TTC23: variants seen among roughly 807,000 people sequenced by gnomAD.
TTC23 encodes the protein tetratricopeptide repeat domain 23, also known as tetratricopeptide repeat protein 23.
Under a neutral mutation model 55.1 loss-of-function variants are expected in TTC23, and 58 were observed. The observed-to-expected ratio is 1.05, with a 90% CI of 0.85 to 1.31. The LOEUF (loss-of-function observed/expected upper bound fraction) is 1.31, where lower values mean the gene tolerates loss of function less well. Among genes scored for constraint, TTC23 ranks in the 50% most tolerant of loss-of-function variants. TTC23 has a pLI of 0.00. For missense variants in TTC23, 516 were observed against 534.4 expected, an observed-to-expected ratio of 0.97 and a Z score of 0.34; for synonymous variants, 203 against 199.9, an observed-to-expected ratio of 1.02 and a Z score of -0.13.
At chr15:99,245,219 T>C (rs1316764567) in intron 2 of TTC23, among the ~76,000 whole-genome samples, 170 bp downstream of exon 2, 1 of 152,054 alleles carries the variant, frequency 6.6e-6, no homozygotes, top group Non-Finnish European at 1.5e-5. Flanking sequence ...GCATAAGAAA[T>C]GACATATAGA....
chr15:99,229,136 C>T (rs980697516), intron 4 of TTC23, among the ~76,000 whole-genome samples: 8 of 142,532 alleles, frequency 5.6e-5, no homozygotes, highest in Non-Finnish European at 1.1e-4. Flanking sequence ...TATGTATTTG[C>T]ATGTACATAT....
Position 99,218,501 on chromosome 15 carries a change from T to C in TTC23, c.581+87A>G, listed in dbSNP as rs2077648743. ...CAGAGAAGCCATGGCCGCAGCCTCA[T>C]GGAGATGCTCCTCCTACCTGAGACA... On this transcript the variant is annotated intron_variant, in intron 8 of 13. Transcript: ENST00000394132. 9 of 1,564,266 alleles carry C rather than the reference T, an allele frequency of 5.8e-6. No homozygotes were observed. The South Asian group carries it at 6.9e-5, about 12-fold the overall frequency.
At chr15:99,213,394 T>C (rs2077198263) in intron 8 of TTC23, among the ~76,000 whole-genome samples, 1 of 152,218 alleles carries the variant, frequency 6.6e-6, no homozygotes, top group South Asian at 2.1e-4. Flanking sequence ...CGCCATCTGC[T>C]GGCAAGGCTT....
At position 99,214,245 on chromosome 15, in the gene TTC23, C is replaced by T. The variant is rs573237636; in HGVS notation, c.581+4343G>A. 2.2e-3 allele frequency among the ~76,000 whole-genome samples: 340 copies of T among 152,100 alleles called. 2 individuals are homozygous for T. The highest frequency in any genetic ancestry group is 7.8e-3 in the African/African-American group (323 of 41,502). Reference sequence around the variant, plus strand: ...CCTCCCGGCCGGGTGCGGTGGCTCACGCCTGTAATCCCAGCACTTTGGGAG... The same window carrying T: ...CCTCCCGGCCGGGTGCGGTGGCTCATGCCTGTAATCCCAGCACTTTGGGAG... On this transcript the variant is annotated intron_variant, in intron 8 of 13. Coordinates refer to ENST00000394132, the MANE Select transcript of TTC23 (RefSeq NM_001288615.3).
At chr15:99,147,322 T>C (rs1353263476) in intron 12 of TTC23, among the ~76,000 whole-genome samples, 2 of 149,914 alleles carry the variant, frequency 1.3e-5, no homozygotes, top group South Asian at 2.1e-4. Flanking sequence ...GCCTCCCAGG[T>C]TCACGCCATT....
rs147417590 is a variant in TTC23, at chr15:99,182,223, A to ATCTC, written c.760-7072_760-7069dup. ...ATCAGTTTCCTGTATTGTTCCAGAAATCTCTCTCTCTCTCTCTCTCTCTCT... is the reference window on the plus strand; with the variant it reads ...ATCAGTTTCCTGTATTGTTCCAGAAATCTCTCTCTCTCTCTCTCTCTCTCTCTCT... On this transcript the variant is annotated intron_variant, in intron 9 of 13. Transcript: ENST00000394132. Among the ~76,000 whole-genome samples the ATCTC allele has an allele frequency of 4.2e-3, 554 of 132,316 alleles. 4 individuals carry two copies. The highest frequency in any genetic ancestry group is 0.011 in the Middle Eastern group (3 of 266). The allele number at this position is 132,316 out of a possible 152,430, so 86.8% of individuals were successfully genotyped here. A position where few individuals can be genotyped will look rare whatever the true frequency, so the allele number is the denominator to read the frequency against.
chr15:99,148,323 T>C (rs1023951429), intron 12 of TTC23, among the ~76,000 whole-genome samples: 3 of 112,678 alleles, frequency 2.7e-5, no homozygotes, highest in Admixed American at 1.3e-4. Context: ...ATCGCGACAC[T>C]GCACTCCAGC....
chr15:99,237,702 G>C lies in TTC23; in HGVS notation c.-113-2622C>G, dbSNP rs760063652. On this transcript the variant is annotated intron_variant, in intron 3 of 13. Transcript: ENST00000394132. ...AAGATGTAGGAAAGGGTGGAGAGGA[G>C]GGATTACAAGGGGCATGAGGAAACT... Among the ~76,000 whole-genome samples the C allele has an allele frequency of 4.6e-4, 70 of 152,174 alleles. 1 individual carries two copies. The highest frequency in any genetic ancestry group is 9.4e-4 in the Non-Finnish European group (64 of 68,042).
At chr15:99,219,410 T>C (rs532359337) in intron 6 of TTC23, among the ~76,000 whole-genome samples, 2 of 152,332 alleles carry the variant, frequency 1.3e-5, no homozygotes, top group African/African-American at 4.8e-5. Context: ...TATTCATGAA[T>C]TTTAATCCTG....
chr15:99,173,479 C>T (rs189588206), intron 10 of TTC23, among the ~76,000 whole-genome samples: 21 of 152,192 alleles, frequency 1.4e-4, no homozygotes, highest in Non-Finnish European at 2.2e-4. Flanking sequence ...CCACCTACTT[C>T]GCAGGCTGAG....
intron 9 of TTC23, among the ~76,000 whole-genome samples, chr15:99,175,852 G>A (rs774046519): frequency 4.6e-5 from 7 of 152,144 alleles, no homozygotes; most frequent in East Asian, 1.9e-4. Flanking sequence ...AAAATTAGCC[G>A]GGTATGGTGG....
chr15:99,196,512 T>C (rs1474961765), intron 9 of TTC23, among the ~76,000 whole-genome samples: 2 of 152,208 alleles, frequency 1.3e-5, no homozygotes, highest in Non-Finnish European at 2.9e-5. Context: ...AAGTAAATGT[T>C]GCCGTGAGCC....
intron 8 of TTC23, among the ~76,000 whole-genome samples, chr15:99,208,986 A>T (rs949657910): frequency 6.6e-6 from 1 of 152,242 alleles, no homozygotes; most frequent in African/African-American, 2.4e-5. Flanking sequence ...TAGACAGATG[A>T]AAAGACAGAA....
intron 8 of TTC23, among the ~76,000 whole-genome samples, chr15:99,215,661 G>A (rs1222550374): frequency 6.6e-6 from 1 of 152,048 alleles, no homozygotes; most frequent in African/African-American, 2.4e-5. Context: ...TGAGAGGATT[G>A]CTTGAGCCCA....
intron 5 of TTC23, among the ~76,000 whole-genome samples, chr15:99,226,879 A>G (rs1488097885): frequency 6.6e-6 from 1 of 152,154 alleles, no homozygotes; most frequent in African/African-American, 2.4e-5. Flanking sequence ...TTCATTTACA[A>G]TGTTGATTGC....
upstream of TTC23, chr15:99,249,724 A>T (rs2080561750): frequency 6.6e-6 from 1 of 152,178 alleles, no homozygotes; most frequent in African/African-American, 2.4e-5. Context: ...GAATTTTCTT[A>T]AAGTGGTATC....
intron 8 of TTC23, among the ~76,000 whole-genome samples, chr15:99,215,902 G>A (rs1436989120): frequency 2.0e-5 from 3 of 152,036 alleles, no homozygotes; most frequent in Non-Finnish European, 4.4e-5. Context: ...AGGAGAAAAG[G>A]AAATTTAAAC....
At chr15:99,151,373 T>A (rs2069715204) in intron 12 of TTC23, 7 of 152,150 alleles carry the variant, frequency 4.6e-5, no homozygotes, top group African/African-American at 1.4e-4. Flanking sequence ...CTGAGGTCTT[T>A]GAGGTCTTTC....
rs879104657 is a variant in TTC23, at chr15:99,240,258, G to A, written c.-114+1107C>T. ...GCCTCTGAACCTAGTGTTAAACTTC[G>A]AAATGGATTTAACTTTTCTTTTTTG... On this transcript the variant is annotated intron_variant, in intron 3 of 13. Coordinates refer to ENST00000394132, the MANE Select transcript of TTC23 (RefSeq NM_001288615.3). 5.9e-5 allele frequency among the ~76,000 whole-genome samples: 9 copies of A among 152,294 alleles called. No homozygotes were observed. In the East Asian group the frequency reaches 7.7e-4, roughly 13 times the overall value.
Sources: allele counts gnomAD v4.1 joint callset (sites outside exome capture counted in the v4.1 genomes callset), GRCh38; gene constraint gnomAD v4.1.1; transcripts MANE v1.5; gene names NCBI Gene and HGNC (gene_info 2026-07-23, HGNC 2026-07-21).